The following IQSEC2 variants were observed in gnomAD, a reference collection of about 807,000 sequenced individuals.
The protein encoded by IQSEC2 is IQ motif and SEC7 domain-containing protein 2.
In IQSEC2, 6 loss-of-function variants were observed where a neutral mutation model predicts 74.6. The ratio of observed to expected loss-of-function variants is 0.08; its 90% CI spans 0.04 to 0.16. The LOEUF (loss-of-function observed/expected upper bound fraction) is 0.16, where lower values mean the gene tolerates loss of function less well. IQSEC2 is among the 10% of genes least tolerant of loss of function. The probability of loss-of-function intolerance (pLI) is 1.00; values close to 1 mark genes in which losing one functional copy is unlikely to be tolerated. For missense variants in IQSEC2, 734 were observed against 1,306.2 expected (o/e 0.56, Z 6.75); for synonymous variants, 494 against 544.5 (o/e 0.91, Z 1.29).
chrX:53,229,771 T>C (rs139403697), downstream of IQSEC2: 185 of 112,474 alleles, frequency 1.6e-3, no homozygotes, highest in African/African-American at 5.6e-3. Flanking sequence ...GCCATAATAA[T>C]TGTTCCAGCG....
At chrX:53,266,749 C>G in intron 2 of IQSEC2, 1 of 991,364 alleles carries the variant, frequency 1.0e-6, no homozygotes, top group Non-Finnish European at 1.3e-6. Flanking sequence ...GGCTCCAGCT[C>G]TCTTTAATTC....
At chrX:53,232,404 G>T (rs2074068939), downstream of IQSEC2, among the ~76,000 whole-genome samples, 1 of 112,008 alleles carries the variant, frequency 8.9e-6, no homozygotes, top group South Asian at 3.7e-4. Context: ...GGCCAGGCCA[G>T]CCACATCCAG....
chrX:53,231,120 A>G (rs1395405154), downstream of IQSEC2: 1 of 112,820 alleles, frequency 8.9e-6, no homozygotes, highest in Non-Finnish European at 1.9e-5. Context: ...GTGCTGTGCC[A>G]GGCACTATAT....
chrX:53,293,441 G>A (rs2075122060), intron 1 of IQSEC2, among the ~76,000 whole-genome samples: 1 of 111,786 alleles, frequency 8.9e-6, no homozygotes, highest in African/African-American at 3.3e-5. Context: ...AGGAACAGAG[G>A]ACCAGGGCCA....
At position 53,234,990 on chromosome X, in the gene IQSEC2, AGAG is replaced by A; in HGVS notation, c.3693_3695del (p.Ser1234del). On this transcript the variant is annotated inframe_deletion, in exon 15 of 15. Transcript: ENST00000642864. ...GGTGGTGCGTGGAAGAAGCAGATGA[AGAG>A]GAGGCAGAGGCCTGGCCTGTTGGCG... 2 of 1,166,890 alleles carry A rather than the reference AGAG, an allele frequency of 1.7e-6. No individual in the cohort carries two copies. The highest frequency in any genetic ancestry group is 2.3e-6 in the Non-Finnish European group (2 of 872,796).
chrX:53,255,202 A>G (rs1305518968), intron 3 of IQSEC2, among the ~76,000 whole-genome samples: 2 of 111,420 alleles, frequency 1.8e-5, no homozygotes, highest in Non-Finnish European at 3.8e-5. Context: ...AAAAAAAGAA[A>G]GCAAGGTAGA....
chrX:53,250,720 A>C lies in IQSEC2; in HGVS notation c.1856T>G (p.Leu619Arg), dbSNP rs781886534. The C allele has an allele frequency of 8.3e-7, 1 of 1,210,133 alleles. No individual in the cohort carries two copies. Among genetic ancestry groups the C allele is most frequent in the South Asian group, 1.8e-5 (1 of 56,827 alleles). ...GCTGCAGCCATCAGCCTCATACACC[A>C]GCTGGCGGTGGACAGAGCCGCGATC... is the stretch of plus-strand genomic sequence containing the variant. ...RSDRGSVHRQ[L>R]VYEADGCSPH... Residue 619 changes from leucine to arginine, a missense_variant, in exon 5 of 15, where the codon CTG (leucine) becomes CGG (arginine). Transcript: ENST00000642864.
rs1602285245 is a variant in IQSEC2 at position 53,251,178 on chromosome X, T to C, written c.1402-4A>G. ...TGGATTCAGCCAGAGACTTTACCTGTGCAAGGGGGGGAGGAGAGGAGGGAA... is the reference window on the plus strand; with the variant it reads ...TGGATTCAGCCAGAGACTTTACCTGCGCAAGGGGGGGAGGAGAGGAGGGAA... On this transcript the variant is annotated splice_region_variant and splice_polypyrimidine_tract_variant and intron_variant, in intron 4 of 14. Coordinates refer to ENST00000642864, the MANE Select transcript of IQSEC2 (RefSeq NM_001111125.3). 1 of 1,201,406 alleles carries C rather than the reference T, an allele frequency of 8.3e-7. No individual in the cohort carries two copies. The highest frequency in any genetic ancestry group is 3.0e-5 in the East Asian group (1 of 33,625).
At chrX:53,235,641 G>T (rs2074115160) in intron 14 of IQSEC2, 142 bp downstream of exon 14, 1 of 573,407 alleles carries the variant, frequency 1.7e-6, no homozygotes, top group Non-Finnish European at 3.0e-6. Flanking sequence ...GAGGACAGAT[G>T]GAGAGAGTGG....
intron 2 of IQSEC2, among the ~76,000 whole-genome samples, chrX:53,290,458 T>C (rs1556872811): frequency 8.9e-6 from 1 of 112,133 alleles, no homozygotes; most frequent in Non-Finnish European, 1.9e-5. Flanking sequence ...TCACCGGGGA[T>C]GCTTGCAGGA....
At chrX:53,244,947 A>G (rs1377107030) in intron 8 of IQSEC2, among the ~76,000 whole-genome samples, 1 of 110,899 alleles carries the variant, frequency 9.0e-6, no homozygotes, top group Admixed American at 9.7e-5. Flanking sequence ...ACACATACAC[A>G]CACACACACC....
intron 2 of IQSEC2, chrX:53,281,523 G>C (rs1556870879): frequency 1.3e-5 from 15 of 1,150,755 alleles, no homozygotes; most frequent in South Asian, 3.9e-5. Context: ...GGGCTCCATG[G>C]GTCTGGACCT....
intron 1 of IQSEC2, among the ~76,000 whole-genome samples, chrX:53,296,558 G>A (rs1484762625): frequency 9.0e-6 from 1 of 110,882 alleles, no homozygotes; most frequent in Non-Finnish European, 1.9e-5. Context: ...TCTGCTAAAG[G>A]AACTTTTTTT....
At chrX:53,264,151 T>A (rs1220964714) in intron 2 of IQSEC2, among the ~76,000 whole-genome samples, 1 of 111,820 alleles carries the variant, frequency 8.9e-6, no homozygotes, top group Non-Finnish European at 1.9e-5. Context: ...CTTCACACAA[T>A]CAACCTCACA....
At chrX:53,305,534 CT>C (rs1292235976) in intron 1 of IQSEC2, among the ~76,000 whole-genome samples, 5 of 111,573 alleles carry the variant, frequency 4.5e-5, no homozygotes, top group Admixed American at 2.9e-4. Flanking sequence ...TTAGTTGCAC[CT>C]ACAGTGGTCC....
chrX:53,278,081 G>C (rs1282393918), intron 2 of IQSEC2, among the ~76,000 whole-genome samples: 1 of 90,953 alleles, frequency 1.1e-5, no homozygotes, highest in Non-Finnish European at 2.1e-5. Context: ...TGCAATCTCG[G>C]CTCACTGCAA....
chrX:53,243,182 C>T, intron 9 of IQSEC2, 150 bp downstream of exon 9: 6 of 472,130 alleles, frequency 1.3e-5, no homozygotes, highest in Non-Finnish European at 2.2e-5. Flanking sequence ...TGCATTCACT[C>T]TGCACCACAG....
Position 53,234,326 on chromosome X carries a change from G to A in IQSEC2, c.4360C>T (p.Pro1454Ser), listed in dbSNP as rs2074090827. The A allele has an allele frequency of 4.6e-6, 2 of 431,796 alleles. No individual in the cohort carries two copies. The highest frequency in any genetic ancestry group is 6.7e-6 in the Non-Finnish European group (2 of 297,414). The allele number at this position is 431,796 out of a possible 1,213,427, so 35.6% of individuals were successfully genotyped here. A position where few individuals can be genotyped will look rare whatever the true frequency, so the allele number is the denominator to read the frequency against. ...SPHTPHSPLPPTSPHGPLHAS... is the reference protein window; with the variant it reads ...SPHTPHSPLPSTSPHGPLHAS... ...TGCAGCGGGCCATGGGGGGAGGTGG[G>A]TGGAAGGGGTGAGTGCGGGGTGTGA... The change falls in exon 15 of 15, where the codon CCC (proline) becomes TCC (serine). Residue 1454 changes from proline (P) to serine (S), a missense_variant. Physicochemically the swap from Pro to Ser is moderately conservative, Grantham distance 74. This residue lies in a region of IQSEC2 where 38 missense variants were observed against 36.7 expected (regional missense o/e 1.04). Transcript: ENST00000642864.
chrX:53,274,563 G>A (rs1296707994), intron 2 of IQSEC2, among the ~76,000 whole-genome samples: 2 of 91,558 alleles, frequency 2.2e-5, no homozygotes, highest in Non-Finnish European at 4.1e-5. Context: ...CCGGGTTCAC[G>A]CCATTCTCTT....
Sources: gnomAD v4.1 joint callset for allele counts (sites outside exome capture counted in the v4.1 genomes callset) on GRCh38, gnomAD v4.1.1 for gene constraint, gnomAD v4.1.1 regional missense constraint, MANE v1.5 for transcripts, NCBI Gene and HGNC (gene_info 2026-07-23, HGNC 2026-07-21) for gene names.